Variants in CYB5R4 observed in about 807,000 individuals in gnomAD.
CYB5R4 encodes the protein N-terminal cytochrome b5 and cytochrome b5 oxidoreductase domain-containing protein.
A neutral mutation model predicts 70.2 loss-of-function variants in CYB5R4; 55 were observed. That is an observed-to-expected ratio of 0.78 (90% CI 0.63 to 0.98). The LOEUF (loss-of-function observed/expected upper bound fraction) is 0.98. CYB5R4 is among the 50% of genes least tolerant of loss of function. The pLI, the probability that CYB5R4 is intolerant of heterozygous loss-of-function variation, is 0.00. For synonymous variants in CYB5R4, 197 were observed against 199.5 expected, an observed-to-expected ratio of 0.99 and a Z score of 0.11; for missense variants, 562 against 612.6, an observed-to-expected ratio of 0.92 and a Z score of 0.87.
At chr6:83,860,607 C>T (rs1334856035) in intron 1 of CYB5R4, among the ~76,000 whole-genome samples, 4 of 152,120 alleles carry the variant, frequency 2.6e-5, no homozygotes, top group Non-Finnish European at 1.5e-5. Context: ...TTTGTTAGTT[C>T]CTCATTCTGT....
At chr6:83,886,452 A>G (rs1277753328) in intron 2 of CYB5R4, among the ~76,000 whole-genome samples, 1 of 152,238 alleles carries the variant, frequency 6.6e-6, no homozygotes, top group Non-Finnish European at 1.5e-5. Flanking sequence ...TCCATCCCTA[A>G]AAAGAAAAAA....
At chr6:83,876,498 C>CT (rs11399515) in intron 2 of CYB5R4, among the ~76,000 whole-genome samples, 114,777 of 143,978 alleles carry the variant, frequency 0.8, 48,129 homozygotes, top group South Asian at 0.94. Flanking sequence ...TACTTCTTTG[C>CT]TTTTTTTTTT....
At chr6:83,930,511 C>T (rs879437504) in intron 10 of CYB5R4, among the ~76,000 whole-genome samples, 4 of 152,156 alleles carry the variant, frequency 2.6e-5, no homozygotes, top group Admixed American at 6.5e-5. Context: ...CTCATCTGTT[C>T]CAAGTTTTAT....
chr6:83,909,623 A>T (rs1047149931), intron 4 of CYB5R4, among the ~76,000 whole-genome samples: 2 of 152,198 alleles, frequency 1.3e-5, no homozygotes, highest in Non-Finnish European at 2.9e-5. Flanking sequence ...CTTACTAAAA[A>T]CTACAGAGTT....
At chr6:83,940,656 T>C (rs2099469605) in intron 14 of CYB5R4, 55 bp downstream of exon 14, 3 of 1,534,650 alleles carry the variant, frequency 2.0e-6, no homozygotes, top group Non-Finnish European at 2.6e-6. Context: ...GTAGTAAGTC[T>C]ATGCCTTATC....
At position 83,924,494 on chromosome 6, in the gene CYB5R4, A is replaced by T; in HGVS notation, c.716A>T (p.Lys239Ile). ...FSVRVVESVG[K>I]IEIVLQKKEN... ...GTGCGGGTTGTTGAGAGTGTGGGAA[A>T]AATAGAGATTGTTCTACAAAAAAAA... is the stretch of plus-strand genomic sequence containing the variant. The change falls in exon 10 of 16, where the codon AAA (lysine) becomes ATA (isoleucine). Residue 239 changes from lysine to isoleucine, a missense_variant. Physicochemically the swap from Lys to Ile is moderately radical, Grantham distance 102. Coordinates refer to ENST00000369681, the MANE Select transcript of CYB5R4 (RefSeq NM_016230.4). 1 of 1,613,812 alleles carries T rather than the reference A, an allele frequency of 6.2e-7. No homozygotes were observed.
At chr6:83,884,533 G>C (rs1416533126) in intron 2 of CYB5R4, among the ~76,000 whole-genome samples, 1 of 152,084 alleles carries the variant, frequency 6.6e-6, no homozygotes, top group Non-Finnish European at 1.5e-5. Context: ...AACATTGATG[G>C]AATTGAGGGG....
In CYB5R4 at chr6:83,864,348, T is replaced by G; in HGVS notation, c.229+20T>G. ...TAAGAGGTAGGTGGTATTTATTAAG[T>G]CCTTCAAAAAATGTTGCCTGAACTT... is the stretch of plus-strand genomic sequence containing the variant. On this transcript the variant is annotated intron_variant, in intron 2 of 15. Coordinates refer to ENST00000369681, the MANE Select transcript of CYB5R4 (RefSeq NM_016230.4). 1 of 1,592,438 alleles carries G rather than the reference T, an allele frequency of 6.3e-7. No homozygotes were observed. The highest frequency in any genetic ancestry group is 1.4e-5 in the African/African-American group (1 of 73,966).
chr6:83,936,341 G>C lies in CYB5R4; in HGVS notation c.1073G>C (p.Gly358Ala). 1 of 1,611,824 alleles carries C rather than the reference G, an allele frequency of 6.2e-7. No individual in the cohort carries two copies. Residue 358 changes from glycine (G) to alanine (A), a missense_variant, in exon 12 of 16, where the codon GGA (glycine) becomes GCA (alanine). Coordinates refer to ENST00000369681, the MANE Select transcript of CYB5R4 (RefSeq NM_016230.4). ...IYFLIKIYPTGLFTPELDRLQ... is the reference protein window; with the variant it reads ...IYFLIKIYPTALFTPELDRLQ... ...TTTTTGATAAAAATCTATCCCACTG[G>C]ACTCTTCACACCAGAGCTTGATCGT... is the stretch of plus-strand genomic sequence containing the variant.
intron 1 of CYB5R4, among the ~76,000 whole-genome samples, chr6:83,860,477 G>A (rs1226713682): frequency 6.6e-6 from 1 of 152,134 alleles, no homozygotes; most frequent in African/African-American, 2.4e-5. Context: ...ATACTCTTGA[G>A]TTCTTGTTGA....
intron 10 of CYB5R4, among the ~76,000 whole-genome samples, chr6:83,925,651 A>G (rs2099467162): frequency 6.6e-6 from 1 of 152,092 alleles, no homozygotes; most frequent in Admixed American, 6.5e-5. Flanking sequence ...AACATGGATG[A>G]TTTTTCATCC....
chr6:83,898,688 T>G (rs967012729), intron 3 of CYB5R4, among the ~76,000 whole-genome samples: 7 of 152,130 alleles, frequency 4.6e-5, no homozygotes, highest in African/African-American at 1.7e-4. Context: ...ACATCCCTTG[T>G]AAGTTGGATT....
intron 8 of CYB5R4, among the ~76,000 whole-genome samples, 163 bp from the exon 9 acceptor site, chr6:83,922,275 G>T (rs958858845): frequency 6.6e-6 from 1 of 152,148 alleles, no homozygotes; most frequent in African/African-American, 2.4e-5. Context: ...TAAATGATTT[G>T]ATTCTTTATT....
At chr6:83,902,423 C>A (rs908704061) in intron 3 of CYB5R4, among the ~76,000 whole-genome samples, 2 of 152,064 alleles carry the variant, frequency 1.3e-5, no homozygotes, top group African/African-American at 2.4e-5. Flanking sequence ...GTTACTACAG[C>A]CTTGGAATAT....
chr6:83,936,518 C>T, intron 12 of CYB5R4, 142 bp downstream of exon 12: 1 of 685,846 alleles, frequency 1.5e-6, no homozygotes, highest in Non-Finnish European at 2.4e-6. Context: ...TTGTCCTACA[C>T]AGCGTGGCCA....
intron 2 of CYB5R4, among the ~76,000 whole-genome samples, chr6:83,868,179 T>C (rs887947853): frequency 3.9e-5 from 6 of 152,150 alleles, no homozygotes; most frequent in Admixed American, 1.3e-4. Flanking sequence ...CCTTTTTTTT[T>C]TCCCTTTTTT....
chr6:83,941,525 T>A (rs568992262), intron 14 of CYB5R4, among the ~76,000 whole-genome samples: 1 of 152,306 alleles, frequency 6.6e-6, no homozygotes, highest in South Asian at 2.1e-4. Context: ...AGTAAAGCCC[T>A]TAGAACTTTG....
intron 2 of CYB5R4, among the ~76,000 whole-genome samples, chr6:83,886,091 C>A (rs548914296): frequency 1.3e-5 from 2 of 152,288 alleles, no homozygotes; most frequent in Admixed American, 1.3e-4. Flanking sequence ...GGTCAACAGG[C>A]CACATCTTGT....
rs371441873 is a variant in CYB5R4, at chr6:83,947,705, A to G, written c.1346+7104A>G. Among the ~76,000 whole-genome samples the G allele has an allele frequency of 5.9e-5, 9 of 152,318 alleles. No individual in the cohort carries two copies. The East Asian group carries it at 1.7e-3, about 29-fold the overall frequency. On this transcript the variant is annotated intron_variant, in intron 14 of 15. Coordinates refer to ENST00000369681, the MANE Select transcript of CYB5R4 (RefSeq NM_016230.4). ...AGCTTAAACAAATTTACAAGGAAAA[A>G]AATCCCATCAGAAAGTGTGGGCAAA...
Sources: gnomAD v4.1 joint callset for allele counts (sites outside exome capture counted in the v4.1 genomes callset) on GRCh38, gnomAD v4.1.1 for gene constraint, MANE v1.5 for transcripts, NCBI Gene and HGNC (gene_info 2026-07-23, HGNC 2026-07-21) for gene names.